IGF1R: variants seen among roughly 807,000 people sequenced by gnomAD.
IGF1R encodes insulin like growth factor 1 receptor.
A neutral mutation model predicts 144.6 loss-of-function variants in IGF1R; 44 were observed. The observed-to-expected ratio is 0.30, with a 90% confidence interval of 0.24 to 0.39. IGF1R has a LOEUF of 0.39. IGF1R is among the 10% of genes least tolerant of loss of function. IGF1R has a pLI of 1.00. For missense variants in IGF1R, 1,355 were observed against 1,833.7 expected, an observed-to-expected ratio of 0.74 and a Z score of 4.77; for synonymous variants, 795 against 722.8, an observed-to-expected ratio of 1.10 and a Z score of -1.60.
Position 98,891,441 on chromosome 15 carries a change from C to G in IGF1R, c.757C>G (p.His253Asp). 1 of 1,614,044 alleles carries G rather than the reference C, an allele frequency of 6.2e-7. No homozygotes were observed. ...DNDTACVACR[H>D]YYYAGVCVPA... ...CGACACGGCCTGTGTAGCTTGCCGC[C>G]ACTACTACTATGCCGGTGTCTGTGT... The change falls in exon 3 of 21, where the codon CAC (histidine) becomes GAC (aspartate). Residue 253 changes from histidine to aspartate, a missense_variant. Around this residue, in one of 7 missense-constraint regions of IGF1R, gnomAD observed 880 missense variants for 1,202.7 expected, o/e 0.73. Transcript: ENST00000650285. The surrounding 1 kb of genome is among the most constrained non-coding windows in gnomAD (Gnocchi z 4.7).
At chr15:98,955,167 G>T (rs1289076508) in intron 20 of IGF1R, among the ~76,000 whole-genome samples, 1 of 152,122 alleles carries the variant, frequency 6.6e-6, no homozygotes, top group Admixed American at 6.5e-5. Flanking sequence ...GACTTCAGCA[G>T]TTCACACACA....
At chr15:98,666,695 T>A (rs2052747868) in intron 1 of IGF1R, among the ~76,000 whole-genome samples, 1 of 152,000 alleles carries the variant, frequency 6.6e-6, no homozygotes, top group African/African-American at 2.4e-5. Context: ...GTCACATTCA[T>A]AGAGACGGAA....
rs949715604 is a variant in IGF1R at position 98,960,798 on chromosome 15, C to T, written c.*3356C>T. 1.5e-4 allele frequency: 36 copies of T among 233,954 alleles called. No homozygotes were observed. Among genetic ancestry groups the T allele is most frequent in the African/African-American group, 7.5e-4 (34 of 45,478 alleles). 14.5% of individuals were successfully genotyped at this position (233,954 alleles called of 1,614,324 possible). A position where few individuals can be genotyped will look rare whatever the true frequency, so the allele number is the denominator to read the frequency against. Reference sequence around the variant, plus strand: ...GAGCAGAGTCCCCTCCCCCTCCAGGCTGCCCTCTCAACTTCTCCCTCACCT... The same window carrying T: ...GAGCAGAGTCCCCTCCCCCTCCAGGTTGCCCTCTCAACTTCTCCCTCACCT... On this transcript the variant is annotated 3_prime_UTR_variant, in exon 21 of 21. Coordinates refer to ENST00000650285, the MANE Select transcript of IGF1R (RefSeq NM_000875.5).
chr15:98,922,559 C>T (rs45470003), intron 11 of IGF1R, 128 bp downstream of exon 11: 27,244 of 1,128,978 alleles, frequency 0.024, 429 homozygotes, highest in Non-Finnish European at 0.031. Context: ...TGCTAAATAA[C>T]GTGCAGTCAT....
At chr15:98,830,731 G>A (rs771230267) in intron 2 of IGF1R, among the ~76,000 whole-genome samples, 2 of 151,754 alleles carry the variant, frequency 1.3e-5, no homozygotes, top group Non-Finnish European at 2.9e-5. Flanking sequence ...AGCCTCCCAA[G>A]TAGCTAGGAT....
intron 2 of IGF1R, among the ~76,000 whole-genome samples, chr15:98,803,811 TA>T (rs1367931501): frequency 6.6e-6 from 1 of 152,148 alleles, no homozygotes; most frequent in Non-Finnish European, 1.5e-5. Flanking sequence ...TGGCCACAGT[TA>T]ACTTTTTTAA....
intron 15 of IGF1R, among the ~76,000 whole-genome samples, chr15:98,931,121 G>T (rs546342081): frequency 1.3e-5 from 2 of 152,158 alleles, no homozygotes; most frequent in Non-Finnish European, 2.9e-5. Flanking sequence ...ACTTGTGCAG[G>T]CTCACATGGT....
intron 2 of IGF1R, among the ~76,000 whole-genome samples, chr15:98,881,560 T>C (rs1180115541): frequency 6.6e-6 from 1 of 152,214 alleles, no homozygotes; most frequent in Non-Finnish European, 1.5e-5. Flanking sequence ...TGACCTCAGG[T>C]GATCCACCCG....
intron 2 of IGF1R, among the ~76,000 whole-genome samples, chr15:98,788,152 A>G (rs2056049110): frequency 6.6e-6 from 1 of 151,826 alleles, no homozygotes; most frequent in South Asian, 2.1e-4. Context: ...ACATGCCCGT[A>G]TGCTATTGTG....
rs1365982598 is a variant in IGF1R at position 98,899,590 on chromosome 15, C to T, written c.1216C>T (p.Arg406Cys). Residue 406 changes from arginine to cysteine, a missense_variant, in exon 5 of 21, where the codon CGC becomes TGC. This residue lies in a region of IGF1R where 880 missense variants were observed against 1,202.7 expected (regional missense o/e 0.73). Transcript: ENST00000650285. ...CTCCTTGTCCTTCCTAAAAAACCTT[C>T]GCCTCATCCTAGGAGAGGAGCAGCT... ...LVSLSFLKNL[R>C]LILGEEQLEG... The T allele has an allele frequency of 3.1e-6, 5 of 1,614,136 alleles. No homozygotes were observed. The highest frequency in any genetic ancestry group is 2.2e-5 in the East Asian group (1 of 44,884).
chr15:98,916,973 G>A (rs749774039), intron 10 of IGF1R, 97 bp downstream of exon 10: 1 of 1,038,298 alleles, frequency 9.6e-7, no homozygotes, highest in South Asian at 1.3e-5. Context: ...GTCAGCAGCT[G>A]GGGGGTACAA....
At chr15:98,675,998 T>A (rs1173773906) in intron 1 of IGF1R, among the ~76,000 whole-genome samples, 1 of 151,414 alleles carries the variant, frequency 6.6e-6, no homozygotes, top group Non-Finnish European at 1.5e-5. Context: ...GCTATTTTTT[T>A]ATTGTATTTT....
chr15:98,937,626 G>C (rs1218378771), intron 17 of IGF1R, among the ~76,000 whole-genome samples: 1 of 152,152 alleles, frequency 6.6e-6, no homozygotes, highest in Non-Finnish European at 1.5e-5. Flanking sequence ...ATCTCACTAC[G>C]AGTAGGTGTA....
In IGF1R at chr15:98,935,353, C is replaced by T. The variant is rs1358911694; in HGVS notation, c.3224C>T (p.Thr1075Ile). The part of the protein sequence containing the change: ...LLGVVSQGQP[T>I]LVIMELMTRG... ...GGTGTGGTGTCCCAAGGCCAGCCAACACTGGTCATCATGGAACTGATGACA... is the reference window on the plus strand; with the variant it reads ...GGTGTGGTGTCCCAAGGCCAGCCAATACTGGTCATCATGGAACTGATGACA... Residue 1075 changes from threonine (T) to isoleucine (I), a missense_variant, in exon 17 of 21, where the codon ACA (threonine) becomes ATA (isoleucine). Transcript: ENST00000650285. The surrounding 1 kb of genome is among the most constrained non-coding windows in gnomAD (Gnocchi z 4.2). 6.4e-7 allele frequency: 1 copy of T among 1,551,478 alleles called. No individual in the cohort carries two copies.
chr15:98,771,310 G>T (rs1195182015), intron 2 of IGF1R, among the ~76,000 whole-genome samples: 2 of 151,756 alleles, frequency 1.3e-5, no homozygotes, highest in Admixed American at 1.3e-4. Flanking sequence ...TAGGATTTTT[G>T]TTGTTGTTGT....
chr15:98,819,227 C>G lies in IGF1R; in HGVS notation c.641-72098C>G, dbSNP rs143537475. 8.7e-3 allele frequency among the ~76,000 whole-genome samples: 1,319 copies of G among 152,162 alleles called. 24 individuals are homozygous for G. Among genetic ancestry groups the G allele is most frequent in the African/African-American group, 0.03 (1,234 of 41,500 alleles). On this transcript the variant is annotated intron_variant, in intron 2 of 20. Coordinates refer to ENST00000650285, the MANE Select transcript of IGF1R (RefSeq NM_000875.5). ...ACTCATCTACTTGTAGCTTCCCTGT[C>G]GAGAAAAATGAAATCATCCAGGGGT...
At chr15:98,915,917 C>T in intron 8 of IGF1R, 47 bp from the exon 9 acceptor site, 1 of 1,589,894 alleles carries the variant, frequency 6.3e-7, no homozygotes, top group Non-Finnish European at 8.6e-7. Flanking sequence ...TAGCCTGACT[C>T]TTAAGTTCAT....
At chr15:98,768,498 T>C (rs1030606669) in intron 2 of IGF1R, among the ~76,000 whole-genome samples, 1 of 150,624 alleles carries the variant, frequency 6.6e-6, no homozygotes, top group African/African-American at 2.4e-5. Context: ...GCCTATAATT[T>C]CAGCTACTTG....
chr15:98,691,244 C>A (rs1318919914), intron 1 of IGF1R, among the ~76,000 whole-genome samples: 2 of 152,140 alleles, frequency 1.3e-5, no homozygotes, highest in Non-Finnish European at 2.9e-5. Context: ...TCCTTCACCT[C>A]TTCTGGTCTG....
Sources: allele counts gnomAD v4.1 joint callset (sites outside exome capture counted in the v4.1 genomes callset), GRCh38; gene constraint gnomAD v4.1.1; regional missense constraint gnomAD v4.1.1; non-coding constraint Gnocchi (gnomAD v3.1); transcripts MANE v1.5; gene names NCBI Gene and HGNC (gene_info 2026-07-23, HGNC 2026-07-21).